The following PHTF1 variants were observed in gnomAD, a reference collection of about 807,000 sequenced individuals.
PHTF1 encodes protein PHTF1.
Under a neutral mutation model 102.4 loss-of-function variants are expected in PHTF1, and 88 were observed. The observed-to-expected ratio is 0.86, with a 90% CI of 0.72 to 1.03. The LOEUF is 1.03. Ranked by LOEUF, PHTF1 falls within the 50% of genes least tolerant of loss-of-function variation. PHTF1 has a pLI of 0.00. For missense variants in PHTF1, 814 were observed against 909.5 expected, an observed-to-expected ratio of 0.89 and a Z score of 1.35; for synonymous variants, 289 against 305.2, an observed-to-expected ratio of 0.95 and a Z score of 0.55.
rs948855887 is a variant in PHTF1 at position 113,700,801 on chromosome 1, G to A, written c.2039C>T (p.Thr680Ile). The change falls in exon 16 of 19, where the codon ACA (threonine) becomes ATA (isoleucine). Residue 680 changes from threonine (T) to isoleucine (I), a missense_variant. By Grantham distance (89) the Thr-to-Ile change is moderately conservative (BLOSUM62 -1). Coordinates refer to ENST00000369604, the MANE Select transcript of PHTF1 (RefSeq NM_001323043.2). ...GACAGGACTGATCAATACCTGTTCT[G>A]TAAGTAATATTGAAACATTGCTGTA... Reference protein sequence around the residue: ...KKYSNVSILLTEQINLYLKME... With the variant: ...KKYSNVSILLIEQINLYLKME... 1.9e-6 allele frequency: 3 copies of A among 1,613,608 alleles called. No individual in the cohort carries two copies. Among genetic ancestry groups the A allele is most frequent in the Non-Finnish European group, 2.5e-6 (3 of 1,179,772 alleles).
intron 3 of PHTF1, among the ~76,000 whole-genome samples, chr1:113,757,438 A>C (rs1659048630): frequency 6.6e-6 from 1 of 152,244 alleles, no homozygotes; most frequent in Non-Finnish European, 1.5e-5. Flanking sequence ...AACTAGCCAG[A>C]GCTAAGTAAC....
chr1:113,715,575 G>C (rs917863400), intron 7 of PHTF1, among the ~76,000 whole-genome samples: 1 of 139,072 alleles, frequency 7.2e-6, no homozygotes, highest in Non-Finnish European at 1.5e-5. Context: ...TTGAGCCTAG[G>C]AGGTGGAGTT....
intron 3 of PHTF1, among the ~76,000 whole-genome samples, chr1:113,750,648 A>G (rs1056514665): frequency 2.0e-5 from 3 of 150,332 alleles, no homozygotes; most frequent in African/African-American, 7.3e-5. Flanking sequence ...CATGAAATCA[A>G]GAGATCGAGC....
Position 113,711,819 on chromosome 1 carries a change from G to A in PHTF1, c.974C>T (p.Thr325Ile), listed in dbSNP as rs1452224778. 1 of 1,613,446 alleles carries A rather than the reference G, an allele frequency of 6.2e-7. No homozygotes were observed. The highest frequency in any genetic ancestry group is 1.1e-5 in the South Asian group (1 of 91,050). Residue 325 changes from threonine (T) to isoleucine (I), a missense_variant, in exon 10 of 19, where the codon ACA becomes ATA. Physicochemically the swap from Thr to Ile is moderately conservative, Grantham distance 89. Transcript: ENST00000369604. ...HLNSQVKKTT[T>I]RWCHIVRDSD... ...ATCCCGCACAATATGACACCACCTT[G>A]TAGTGGTTTTCTTTACCTGCCAAAA...
Position 113,736,313 on chromosome 1 carries a change from G to A in PHTF1, c.331+1797C>T, listed in dbSNP as rs534356622. Among the ~76,000 whole-genome samples the A allele has an allele frequency of 4.0e-4, 59 of 146,860 alleles. No individual in the cohort carries two copies. The Middle Eastern group carries it at 0.011, about 27-fold the overall frequency. Reference sequence around the variant, plus strand: ...GCCAAGATCGCGCCACTGCACTCCCGCCTGGGCAACAGAGCGAGACTCCAT... The same window carrying A: ...GCCAAGATCGCGCCACTGCACTCCCACCTGGGCAACAGAGCGAGACTCCAT... On this transcript the variant is annotated intron_variant, in intron 5 of 18. Transcript: ENST00000369604.
intron 3 of PHTF1, among the ~76,000 whole-genome samples, chr1:113,745,962 A>G (rs768781517): frequency 5.3e-5 from 8 of 152,210 alleles, no homozygotes; most frequent in Non-Finnish European, 8.8e-5. Flanking sequence ...GTCCATGGAA[A>G]AACTGTCTTC....
At chr1:113,743,338 T>C (rs1381636805) in intron 3 of PHTF1, among the ~76,000 whole-genome samples, 1 of 152,010 alleles carries the variant, frequency 6.6e-6, no homozygotes, top group Non-Finnish European at 1.5e-5. Context: ...CCCACCTCCA[T>C]ATCTTGTCCT....
intron 7 of PHTF1, 62 bp from the exon 8 acceptor site, chr1:113,713,500 CTTTCT>C (rs1651496143): frequency 1.1e-6 from 1 of 885,186 alleles, no homozygotes; most frequent in East Asian, 2.6e-5. Flanking sequence ...CATGAAACCA[CTTTCT>C]TTTAAGGAAT....
intron 3 of PHTF1, among the ~76,000 whole-genome samples, chr1:113,753,995 T>C (rs1658482601): frequency 6.6e-6 from 1 of 152,238 alleles, no homozygotes; most frequent in African/African-American, 2.4e-5. Context: ...TTTCCCTTAT[T>C]ATAAGTATAG....
intron 7 of PHTF1, among the ~76,000 whole-genome samples, chr1:113,715,612 C>T (rs1274498268): frequency 8.6e-6 from 1 of 116,756 alleles, no homozygotes; most frequent in South Asian, 3.0e-4. Flanking sequence ...TGTACCATTG[C>T]ACTTCAACCT....
At chr1:113,721,660 T>A (rs957019607) in intron 7 of PHTF1, among the ~76,000 whole-genome samples, 3 of 152,210 alleles carry the variant, frequency 2.0e-5, no homozygotes, top group African/African-American at 4.8e-5. Flanking sequence ...TTCATTAAAG[T>A]TGCAGGATAC....
chr1:113,704,389 G>A (rs976059581), intron 14 of PHTF1, among the ~76,000 whole-genome samples: 1 of 152,140 alleles, frequency 6.6e-6, no homozygotes, highest in Admixed American at 6.5e-5. Context: ...ACTTTCGGCT[G>A]GAGTATTTCC....
At chr1:113,757,636 G>C in intron 3 of PHTF1, 63 bp downstream of exon 3, 1 of 1,034,060 alleles carries the variant, frequency 9.7e-7, no homozygotes, top group South Asian at 1.3e-5. Flanking sequence ...TACCAGGTAA[G>C]TACAATTCCA....
At chr1:113,740,929 G>A (rs573204183) in intron 3 of PHTF1, among the ~76,000 whole-genome samples, 1 of 152,150 alleles carries the variant, frequency 6.6e-6, no homozygotes, top group Non-Finnish European at 1.5e-5. Flanking sequence ...TACTCAGGAG[G>A]CTGAGGCAGG....
chr1:113,755,846 G>A (rs541560570), intron 3 of PHTF1, among the ~76,000 whole-genome samples: 1 of 151,970 alleles, frequency 6.6e-6, no homozygotes, highest in African/African-American at 2.4e-5. Context: ...GGATCACGAG[G>A]TCAGGAGATC....
intron 7 of PHTF1, among the ~76,000 whole-genome samples, chr1:113,719,266 G>C (rs1208781905): frequency 6.6e-6 from 1 of 152,118 alleles, no homozygotes; most frequent in Non-Finnish European, 1.5e-5. Flanking sequence ...GCCTCCCAAA[G>C]TGCTGGGATT....
At chr1:113,737,798 C>G (rs1242354478) in intron 5 of PHTF1, among the ~76,000 whole-genome samples, 1 of 151,998 alleles carries the variant, frequency 6.6e-6, no homozygotes, top group East Asian at 1.9e-4. Flanking sequence ...GACCCCGTCT[C>G]AAAAACAAAA....
chr1:113,758,514 CTTT>C (rs200794989), intron 2 of PHTF1, 142 bp downstream of exon 2: 1,195 of 328,334 alleles, frequency 3.6e-3, no homozygotes, highest in East Asian at 4.9e-3. Flanking sequence ...CCTTGTACAT[CTTT>C]TTTTTTTTTT....
intron 10 of PHTF1, among the ~76,000 whole-genome samples, chr1:113,710,712 C>T (rs979827050): frequency 6.6e-6 from 1 of 150,638 alleles, no homozygotes; most frequent in South Asian, 2.1e-4. Context: ...CCCACTGCAA[C>T]CTCAAACTCG....
Sources: gnomAD v4.1 joint callset for allele counts (sites outside exome capture counted in the v4.1 genomes callset) on GRCh38, gnomAD v4.1.1 for gene constraint, MANE v1.5 for transcripts, NCBI Gene and HGNC (gene_info 2026-07-23, HGNC 2026-07-21) for gene names.